LRRTM3: variants seen among roughly 807,000 people sequenced by gnomAD.
LRRTM3 encodes leucine rich repeat transmembrane neuronal 3, also known as leucine-rich repeat transmembrane neuronal protein 3.
LRRTM3 carries 24 observed loss-of-function variants against 44.7 expected under a neutral mutation model. That is an observed-to-expected ratio of 0.54 (90% confidence interval 0.39 to 0.76). The LOEUF (loss-of-function observed/expected upper bound fraction) is 0.76, where lower values mean the gene tolerates loss of function less well. Among genes scored for constraint, LRRTM3 ranks in the 30% least tolerant of loss-of-function variants. The pLI, the probability that LRRTM3 is intolerant of heterozygous loss-of-function variation, is 0.00. For missense variants in LRRTM3, 587 were observed against 702.2 expected (o/e 0.84, Z 1.85); for synonymous variants, 277 against 278.7 (o/e 0.99, Z 0.06).
intron 2 of LRRTM3, among the ~76,000 whole-genome samples, chr10:66,973,287 G>C (rs970046844): frequency 7.9e-5 from 12 of 152,044 alleles, no homozygotes; most frequent in African/African-American, 2.2e-4. Context: ...AAAGAAAATT[G>C]ACAATTAGAA....
intron 2 of LRRTM3, among the ~76,000 whole-genome samples, chr10:67,069,407 C>T (rs758400441): frequency 1.4e-4 from 22 of 151,954 alleles, no homozygotes; most frequent in African/African-American, 2.9e-4. Flanking sequence ...ACTCAAAAAA[C>T]GCTCATTGTA....
chr10:67,022,518 C>A (rs1853085914), intron 2 of LRRTM3, among the ~76,000 whole-genome samples: 1 of 152,040 alleles, frequency 6.6e-6, no homozygotes, highest in Non-Finnish European at 1.5e-5. Flanking sequence ...AAGGAAATGG[C>A]AGGAAGGTCA....
chr10:66,990,496 T>C (rs778838547), intron 2 of LRRTM3, among the ~76,000 whole-genome samples: 1 of 152,138 alleles, frequency 6.6e-6, no homozygotes, highest in Admixed American at 6.6e-5. Flanking sequence ...CCTATTTAGA[T>C]TTTTTTGTAC....
chr10:66,991,547 T>C (rs543324016), intron 2 of LRRTM3, among the ~76,000 whole-genome samples: 1 of 152,138 alleles, frequency 6.6e-6, no homozygotes, highest in East Asian at 1.9e-4. Flanking sequence ...TGAAAACAAA[T>C]TTATTTATTT....
At chr10:67,031,118 C>G (rs558088983) in intron 2 of LRRTM3, among the ~76,000 whole-genome samples, 1 of 152,288 alleles carries the variant, frequency 6.6e-6, no homozygotes, top group Admixed American at 6.5e-5. Context: ...AGAGTTTAAA[C>G]TAGATGACTT....
At chr10:67,075,895 G>A (rs1856722963) in intron 2 of LRRTM3, among the ~76,000 whole-genome samples, 1 of 152,230 alleles carries the variant, frequency 6.6e-6, no homozygotes, top group Admixed American at 6.5e-5. Flanking sequence ...CAACGAAGGT[G>A]TGGAGCATGG....
chr10:67,052,618 C>T (rs1855180431), intron 2 of LRRTM3: 2 of 152,078 alleles, frequency 1.3e-5, no homozygotes, highest in African/African-American at 4.8e-5. Flanking sequence ...ACTGCCCCAT[C>T]AAAGGTTCTA....
chr10:67,058,171 T>A lies in LRRTM3; in HGVS notation c.1537-39416T>A, dbSNP rs183273586. On this transcript the variant is annotated intron_variant, in intron 2 of 2. Transcript: ENST00000361320. ...CAGTTCCTATAATCTTAGGAAATTA[T>A]TTTGTGATCACATTTCTAATCACAG... Among the ~76,000 whole-genome samples the A allele has an allele frequency of 4.3e-3, 649 of 152,278 alleles. 1 individual carries two copies. Among genetic ancestry groups the A allele is most frequent in the African/African-American group, 0.015 (610 of 41,568 alleles).
At chr10:67,060,825 C>T (rs1855714869) in intron 2 of LRRTM3, among the ~76,000 whole-genome samples, 1 of 150,830 alleles carries the variant, frequency 6.6e-6, no homozygotes, top group African/African-American at 2.5e-5. Flanking sequence ...TGGTTGTGTA[C>T]ATATATGACA....
intron 2 of LRRTM3, among the ~76,000 whole-genome samples, chr10:66,984,504 G>A (rs1293738516): frequency 6.6e-6 from 1 of 152,116 alleles, no homozygotes; most frequent in Non-Finnish European, 1.5e-5. Context: ...TGTTTCTTAG[G>A]AAGTCATTTT....
intron 2 of LRRTM3, among the ~76,000 whole-genome samples, chr10:66,992,894 A>G (rs545318874): frequency 6.6e-6 from 1 of 152,148 alleles, no homozygotes; most frequent in Admixed American, 6.6e-5. Flanking sequence ...ATCCTCTTCA[A>G]TTTGACCATT....
chr10:67,000,032 C>T (rs920715334), intron 2 of LRRTM3, among the ~76,000 whole-genome samples: 3 of 152,084 alleles, frequency 2.0e-5, no homozygotes, highest in Non-Finnish European at 4.4e-5. Flanking sequence ...CTGTTTTTCA[C>T]AATTAAAACT....
chr10:66,942,779 C>G (rs776488353), intron 2 of LRRTM3, among the ~76,000 whole-genome samples: 5 of 152,098 alleles, frequency 3.3e-5, no homozygotes, highest in Non-Finnish European at 5.9e-5. Flanking sequence ...AACTTAGTAA[C>G]TATTACATTT....
intron 2 of LRRTM3, among the ~76,000 whole-genome samples, chr10:67,020,665 A>C (rs1411631580): frequency 2.0e-5 from 3 of 152,206 alleles, no homozygotes; most frequent in Non-Finnish European, 4.4e-5. Flanking sequence ...GGAATGGAAA[A>C]TTCAGATTTG....
rs916144375 is a variant in LRRTM3 at position 66,966,071 on chromosome 10, C to A, written c.1536+37619C>A. Among the ~76,000 whole-genome samples the A allele has an allele frequency of 7.2e-5, 11 of 152,094 alleles. No homozygotes were observed. In the East Asian group the frequency reaches 1.9e-3, roughly 27 times the overall value. ...TCACTTTGACATATTACTTGAGAGGCCTGTACCTCAGTTTCCTAATTTGTA... is the reference window on the plus strand; with the variant it reads ...TCACTTTGACATATTACTTGAGAGGACTGTACCTCAGTTTCCTAATTTGTA... On this transcript the variant is annotated intron_variant, in intron 2 of 2. Coordinates refer to ENST00000361320, the MANE Select transcript of LRRTM3 (RefSeq NM_178011.5).
At position 66,927,565 on chromosome 10, in the gene LRRTM3, T is replaced by A; in HGVS notation, c.649T>A (p.Phe217Ile). The A allele has an allele frequency of 6.2e-7, 1 of 1,614,140 alleles. No homozygotes were observed. The highest frequency in any genetic ancestry group is 1.1e-5 in the South Asian group (1 of 91,084). Residue 217 changes from phenylalanine (F) to isoleucine (I), a missense_variant, in exon 2 of 3, where the codon TTT (phenylalanine) becomes ATT (isoleucine). Around this residue, in one of 3 missense-constraint regions of LRRTM3, gnomAD observed 222 missense variants for 323.3 expected, o/e 0.69. Transcript: ENST00000361320. The surrounding 1 kb of genome is among the most constrained non-coding windows in gnomAD (Gnocchi z 4.7). ...AGAACTTCACCTGGAGCACAATCAATTTTCCAAGCTCAACCTGGCCCTTTT... is the reference window on the plus strand; with the variant it reads ...AGAACTTCACCTGGAGCACAATCAAATTTCCAAGCTCAACCTGGCCCTTTT... The part of the protein sequence containing the change: ...LKELHLEHNQ[F>I]SKLNLALFPR...
intron 2 of LRRTM3, among the ~76,000 whole-genome samples, chr10:67,020,813 A>G (rs1852960609): frequency 6.6e-6 from 1 of 152,170 alleles, no homozygotes; most frequent in Non-Finnish European, 1.5e-5. Context: ...ATGGTTTCCT[A>G]ATTAGTAGGG....
At chr10:66,977,326 C>T (rs1452566629) in intron 2 of LRRTM3, among the ~76,000 whole-genome samples, 2 of 152,006 alleles carry the variant, frequency 1.3e-5, no homozygotes, top group East Asian at 3.9e-4. Flanking sequence ...GTCCCAGCTA[C>T]TCAGGAGGCT....
chr10:66,969,987 A>G (rs556367705), intron 2 of LRRTM3, among the ~76,000 whole-genome samples: 1 of 152,278 alleles, frequency 6.6e-6, no homozygotes, highest in East Asian at 1.9e-4. Flanking sequence ...TTTCTCCCAC[A>G]TCATTATTAC....
Sources: allele counts gnomAD v4.1 joint callset (sites outside exome capture counted in the v4.1 genomes callset), GRCh38; gene constraint gnomAD v4.1.1; regional missense constraint gnomAD v4.1.1; non-coding constraint Gnocchi (gnomAD v3.1); transcripts MANE v1.5; gene names NCBI Gene and HGNC (gene_info 2026-07-23, HGNC 2026-07-21).